Variants in MYH7B observed in about 807,000 individuals in gnomAD.
MYH7B encodes the protein myosin-7B.
In MYH7B, 205 loss-of-function variants were observed where a neutral mutation model predicts 234.5. The ratio of observed to expected loss-of-function variants is 0.87; its 90% CI spans 0.78 to 0.98. The LOEUF (loss-of-function observed/expected upper bound fraction) is 0.98. Among genes scored for constraint, MYH7B ranks in the 50% least tolerant of loss-of-function variants. MYH7B has a pLI of 0.00. For synonymous variants in MYH7B, 1,193 were observed against 1,105.0 expected (o/e 1.08, Z -1.58); for missense variants, 2,652 against 2,633.4 (o/e 1.01, Z -0.15).
chr20:34,961,326 G>C (rs1803059053), intron 2 of MYH7B, among the ~76,000 whole-genome samples: 1 of 151,934 alleles, frequency 6.6e-6, no homozygotes, highest in Admixed American at 6.6e-5. Context: ...ACTGAGAAAG[G>C]TATAAAAATT....
exon 32 of MYH7B, chr20:34,997,573 A>C (rs756445760): frequency 6.2e-7 from 1 of 1,613,328 alleles, no homozygotes; most frequent in East Asian, 2.2e-5. Flanking sequence ...CTGGAGAAGG[A>C]GAAGAGTGAG....
exon 18 of MYH7B, chr20:34,987,889 A>G (rs1334560928): frequency 6.2e-7 from 1 of 1,607,428 alleles, no homozygotes; most frequent in African/African-American, 1.3e-5. Context: ...GGGGTTCTGG[A>G]CATCGCTGGG....
chr20:34,991,269 A>T, intron 24 of MYH7B, 148 bp downstream of exon 24: 1 of 618,284 alleles, frequency 1.6e-6, no homozygotes, highest in South Asian at 2.1e-5. Flanking sequence ...CCAGCAAGAC[A>T]TGGGGGTGGC....
chr20:34,984,192 C>G (rs2081981978), intron 10 of MYH7B, among the ~76,000 whole-genome samples: 1 of 152,192 alleles, frequency 6.6e-6, no homozygotes, highest in African/African-American at 2.4e-5. Context: ...GGTATACAGG[C>G]AGACAAACAA....
chr20:34,980,831 C>G, intron 8 of MYH7B, 97 bp downstream of exon 8: 1 of 1,541,188 alleles, frequency 6.5e-7, no homozygotes, highest in Non-Finnish European at 8.8e-7. Flanking sequence ...CACTGCCCCC[C>G]TTTTGACGCT....
At chr20:34,998,455 G>C (rs1472393827) in intron 33 of MYH7B, 34 bp downstream of exon 33, 1 of 1,612,668 alleles carries the variant, frequency 6.2e-7, no homozygotes, top group South Asian at 1.1e-5. Context: ...ACACCAGGCA[G>C]GGCTTTGGTG....
chr20:34,986,242 G>T (rs752607329), intron 14 of MYH7B, 44 bp downstream of exon 14: 4 of 1,484,090 alleles, frequency 2.7e-6, no homozygotes, highest in Non-Finnish European at 3.7e-6. Context: ...AGAACCTGGA[G>T]GGGCTGCCTG....
intron 32 of MYH7B, 143 bp downstream of exon 32, chr20:34,997,783 C>G: frequency 1.9e-6 from 2 of 1,050,936 alleles, no homozygotes; most frequent in Non-Finnish European, 2.7e-6. Context: ...ACCCTCATTT[C>G]TCAGCCTCCT....
intron 10 of MYH7B, 49 bp from the exon 11 acceptor site, chr20:34,984,643 T>C: frequency 6.4e-6 from 10 of 1,564,210 alleles, no homozygotes; most frequent in Non-Finnish European, 8.7e-6. Flanking sequence ...ACCCCGCCCT[T>C]CCCCACCGGA....
At chr20:34,990,917 C>A in intron 23 of MYH7B, 87 bp from the exon 24 acceptor site, 4 of 1,562,244 alleles carry the variant, frequency 2.6e-6, no homozygotes, top group Non-Finnish European at 3.5e-6. Flanking sequence ...TCTTCCCCCT[C>A]ACCTCGCAGG....
intron 9 of MYH7B, chr20:34,982,038 T>A: frequency 1.8e-5 from 3 of 163,280 alleles, no homozygotes; most frequent in Non-Finnish European, 4.0e-5. Context: ...AAAAAAAAAA[T>A]TGAAAAGTTA....
exon 39 of MYH7B, chr20:35,000,331 C>T: frequency 6.3e-7 from 1 of 1,595,384 alleles, no homozygotes; most frequent in Non-Finnish European, 8.5e-7. Context: ...CTGCAGGCCT[C>T]CCTGGATGCA....
chr20:35,000,311 T>C (rs2082344763), exon 39 of MYH7B: 1 of 1,587,140 alleles, frequency 6.3e-7, no homozygotes, highest in Non-Finnish European at 8.5e-7. Flanking sequence ...ACCAGCGAGC[T>C]GTGGAGTCCC....
chr20:34,977,530 T>G, intron 3 of MYH7B, 102 bp from the exon 4 acceptor site: 28 of 1,072,664 alleles, frequency 2.6e-5, no homozygotes, highest in Non-Finnish European at 3.8e-5. Context: ...GCCGTGCTGG[T>G]GGAGATAAAA....
chr20:34,974,229 T>G (rs895232665), intron 2 of MYH7B, among the ~76,000 whole-genome samples: 1 of 148,126 alleles, frequency 6.8e-6, no homozygotes, highest in East Asian at 2.0e-4. Flanking sequence ...GCCCAGCCTT[T>G]TTTTTTTTTT....
At chr20:35,000,943 A>G in intron 40 of MYH7B, 45 bp from the exon 41 acceptor site, 1 of 1,611,870 alleles carries the variant, frequency 6.2e-7, no homozygotes, top group East Asian at 2.2e-5. Context: ...TTGCAGAGGG[A>G]CTTCCCTGAG....
chr20:34,959,355 G>A (rs778375904), intron 2 of MYH7B, among the ~76,000 whole-genome samples: 7 of 152,190 alleles, frequency 4.6e-5, no homozygotes, highest in Admixed American at 1.3e-4. Flanking sequence ...TGAAGATTCC[G>A]GAGCAGAGGG....
chr20:34,958,650 G>A (rs534462964), intron 2 of MYH7B, among the ~76,000 whole-genome samples: 1 of 152,282 alleles, frequency 6.6e-6, no homozygotes, highest in Admixed American at 6.5e-5. Flanking sequence ...ATTTTTAGGA[G>A]AGACAGGGTT....
chr20:34,990,665 C>T, intron 22 of MYH7B, 73 bp from the exon 23 acceptor site: 1 of 1,437,258 alleles, frequency 7.0e-7, no homozygotes. Flanking sequence ...CCGTCTCGGT[C>T]CTGACCACTG....
Sources: allele counts gnomAD v4.1 joint callset (sites outside exome capture counted in the v4.1 genomes callset), GRCh38; gene constraint gnomAD v4.1.1; transcripts MANE v1.5; gene names NCBI Gene and HGNC (gene_info 2026-07-23, HGNC 2026-07-21).